CNTNAP2: variants seen among roughly 807,000 people sequenced by gnomAD.
CNTNAP2 encodes the protein contactin-associated protein-like 2.
A neutral mutation model predicts 155.2 loss-of-function variants in CNTNAP2; 98 were observed. That is an observed-to-expected ratio of 0.63 (90% CI 0.54 to 0.75). CNTNAP2 has a LOEUF of 0.75. Among genes scored for constraint, CNTNAP2 ranks in the 30% least tolerant of loss-of-function variants. The pLI is 0.00. For missense variants in CNTNAP2, 1,727 were observed against 1,688.1 expected (o/e 1.02, Z -0.40); for synonymous variants, 651 against 631.2 (o/e 1.03, Z -0.47).
chr7:147,539,570 T>C (rs1799604949), intron 11 of CNTNAP2, among the ~76,000 whole-genome samples: 1 of 152,228 alleles, frequency 6.6e-6, no homozygotes, highest in Non-Finnish European at 1.5e-5. Context: ...TGAATTGTGT[T>C]GTGTTTTTAC....
Position 147,977,723 on chromosome 7 carries a change from C to G in CNTNAP2, c.2256-139C>G. 4.2e-6 allele frequency: 5 copies of G among 1,201,530 alleles called. No individual in the cohort carries two copies. The South Asian group carries it at 6.5e-5, about 16-fold the overall frequency. 74.4% of individuals were successfully genotyped at this position (1,201,530 alleles called of 1,614,324 possible). On this transcript the variant is annotated intron_variant, in intron 14 of 23. Transcript: ENST00000361727. ...ACCACCTATGGAAGAGAGAGAACAA[C>G]TCTTTAACTGTGGCTTTACTTAGTA... is the stretch of plus-strand genomic sequence containing the variant.
At chr7:146,937,521 A>T (rs997329768) in intron 3 of CNTNAP2, among the ~76,000 whole-genome samples, 2 of 152,188 alleles carry the variant, frequency 1.3e-5, no homozygotes, top group African/African-American at 4.8e-5. Context: ...TGCTATGGGT[A>T]GTGCTTTTCT....
intron 1 of CNTNAP2, among the ~76,000 whole-genome samples, chr7:146,177,168 G>A (rs899542251): frequency 1.3e-5 from 2 of 152,174 alleles, no homozygotes; most frequent in African/African-American, 2.4e-5. Flanking sequence ...TGACTCTAAT[G>A]TCTACAGCAT....
At chr7:147,106,086 G>T (rs1257657923) in intron 4 of CNTNAP2, among the ~76,000 whole-genome samples, 1 of 152,014 alleles carries the variant, frequency 6.6e-6, no homozygotes, top group Non-Finnish European at 1.5e-5. Flanking sequence ...GGTGATTCTT[G>T]TTCCCTGAGT....
intron 9 of CNTNAP2, among the ~76,000 whole-genome samples, chr7:147,347,376 A>G (rs1795882729): frequency 1.4e-5 from 2 of 144,212 alleles, no homozygotes; most frequent in African/African-American, 5.0e-5. Context: ...GCTGATGGGC[A>G]CCAGAGACTA....
chr7:147,987,594 A>G (rs1801641014), intron 15 of CNTNAP2, among the ~76,000 whole-genome samples: 1 of 152,344 alleles, frequency 6.6e-6, no homozygotes, highest in Non-Finnish European at 1.5e-5. Context: ...ATGAGTGACC[A>G]TGGCCCATGA....
intron 3 of CNTNAP2, among the ~76,000 whole-genome samples, chr7:147,009,330 G>A (rs958303898): frequency 1.3e-5 from 2 of 152,052 alleles, no homozygotes; most frequent in Non-Finnish European, 2.9e-5. Context: ...AAAACCTAAT[G>A]TCTGATTGAG....
chr7:146,622,170 C>CT (rs1563160383), intron 1 of CNTNAP2, among the ~76,000 whole-genome samples: 20 of 147,562 alleles, frequency 1.4e-4, no homozygotes, highest in African/African-American at 5.0e-4. Flanking sequence ...TATACACACA[C>CT]GTATATATAT....
Position 148,383,870 on chromosome 7 carries a change from C to G in CNTNAP2, c.3697C>G (p.Leu1233Val), listed in dbSNP as rs796052385. The G allele has an allele frequency of 1.9e-6, 3 of 1,613,846 alleles. No homozygotes were observed. Among genetic ancestry groups the G allele is most frequent in the Non-Finnish European group, 2.5e-6 (3 of 1,179,988 alleles). ...PMSSATDPWH[L>V]DHLDSASADF... ...GTCGTCCGCCACCGACCCCTGGCAC[C>G]TGGATCACCTGGATTCAGGTAAAGT... is the stretch of plus-strand genomic sequence containing the variant. Residue 1233 changes from leucine to valine, a missense_variant, in exon 22 of 24, where the codon CTG (leucine) becomes GTG (valine). Physicochemically the swap from Leu to Val is conservative, Grantham distance 32. Coordinates refer to ENST00000361727, the MANE Select transcript of CNTNAP2 (RefSeq NM_014141.6).
At chr7:146,971,785 ACCCCACCTGCTAATAC>A (rs1029505945) in intron 3 of CNTNAP2, among the ~76,000 whole-genome samples, 2 of 151,948 alleles carry the variant, frequency 1.3e-5, no homozygotes, top group African/African-American at 2.4e-5. Context: ...TTCCCATAAG[ACCCCACCTGCTAATAC>A]CCCCACCTGC....
At chr7:147,499,314 G>A (rs1451049707) in intron 11 of CNTNAP2, among the ~76,000 whole-genome samples, 1 of 152,006 alleles carries the variant, frequency 6.6e-6, no homozygotes, top group Non-Finnish European at 1.5e-5. Flanking sequence ...AGATCATGAG[G>A]TCAGGAGATC....
At chr7:148,229,514 C>A in intron 19 of CNTNAP2, 132 bp from the exon 20 acceptor site, 1 of 1,233,236 alleles carries the variant, frequency 8.1e-7, no homozygotes, top group East Asian at 2.6e-5. Flanking sequence ...AAGAGCAAGA[C>A]TCCGTCAAAA....
At chr7:147,423,579 A>C (rs992460628) in intron 10 of CNTNAP2, among the ~76,000 whole-genome samples, 1 of 152,098 alleles carries the variant, frequency 6.6e-6, no homozygotes, top group African/African-American at 2.4e-5. Context: ...TGCCTGGTTC[A>C]CTGCTCCATG....
rs547837200 is a variant in CNTNAP2 at position 146,333,096 on chromosome 7, A to G, written c.97+216123A>G. On this transcript the variant is annotated intron_variant, in intron 1 of 23. Transcript: ENST00000361727. ...GTAGGTAGGATTATAGGCGTGTGCC[A>G]CTACTGCCTGGCTAATTTTTATATT... Among the ~76,000 whole-genome samples the G allele has an allele frequency of 4.6e-5, 7 of 151,958 alleles. No individual in the cohort carries two copies. In the East Asian group the frequency reaches 1.4e-3, roughly 29 times the overall value.
At chr7:147,547,576 G>C (rs1799762824) in intron 11 of CNTNAP2, among the ~76,000 whole-genome samples, 1 of 151,834 alleles carries the variant, frequency 6.6e-6, no homozygotes, top group Admixed American at 6.6e-5. Flanking sequence ...CTGGCATGAG[G>C]AGCTTTGTTT....
At chr7:148,237,660 A>C (rs929434844) in intron 20 of CNTNAP2, among the ~76,000 whole-genome samples, 1 of 152,212 alleles carries the variant, frequency 6.6e-6, no homozygotes, top group Non-Finnish European at 1.5e-5. Flanking sequence ...TCATTTATGA[A>C]TATTGAATGC....
intron 8 of CNTNAP2, among the ~76,000 whole-genome samples, chr7:147,264,715 G>C (rs1239066974): frequency 6.6e-6 from 1 of 151,526 alleles, no homozygotes; most frequent in African/African-American, 2.4e-5. Context: ...ATAACACCAA[G>C]GTCACACAAG....
intron 21 of CNTNAP2, among the ~76,000 whole-genome samples, chr7:148,380,702 C>G (rs915119822): frequency 1.3e-5 from 2 of 151,998 alleles, no homozygotes; most frequent in South Asian, 4.1e-4. Context: ...AGCCTCGTTT[C>G]CCTCATCTGT....
intron 10 of CNTNAP2, among the ~76,000 whole-genome samples, chr7:147,474,725 C>T (rs1276036254): frequency 6.6e-6 from 1 of 152,142 alleles, no homozygotes; most frequent in Non-Finnish European, 1.5e-5. Context: ...GGCAGTCTCA[C>T]AAGAAAGAAC....
Sources: gnomAD v4.1 joint callset for allele counts (sites outside exome capture counted in the v4.1 genomes callset) on GRCh38, gnomAD v4.1.1 for gene constraint, MANE v1.5 for transcripts, NCBI Gene and HGNC (gene_info 2026-07-23, HGNC 2026-07-21) for gene names.